The following NINL variants were observed in gnomAD, a reference collection of about 807,000 sequenced individuals.
The protein encoded by NINL is ninein like.
NINL carries 153 observed loss-of-function variants against 160.3 expected under a neutral mutation model. The ratio of observed to expected loss-of-function variants is 0.95; its 90% CI spans 0.84 to 1.09. The LOEUF (loss-of-function observed/expected upper bound fraction) is 1.09, where lower values mean the gene tolerates loss of function less well. Among genes scored for constraint, NINL ranks in the 50% least tolerant of loss-of-function variants. The probability of loss-of-function intolerance (pLI) is 0.00; values close to 1 mark genes in which losing one functional copy is unlikely to be tolerated. For missense variants in NINL, 1,829 were observed against 1,764.0 expected (o/e 1.04, Z -0.66); for synonymous variants, 800 against 734.8 (o/e 1.09, Z -1.43).
chr20:25,512,156 G>A (rs993495480), intron 4 of NINL, among the ~76,000 whole-genome samples: 1 of 152,206 alleles, frequency 6.6e-6, no homozygotes, highest in Non-Finnish European at 1.5e-5. Flanking sequence ...GAGCCTGGGG[G>A]ACAGGGAAGC....
At chr20:25,499,242 C>T (rs1220051069) in intron 8 of NINL, 14 of 985,068 alleles carry the variant, frequency 1.4e-5, no homozygotes, top group African/African-American at 8.7e-5. Flanking sequence ...CACAAGCACA[C>T]GCTCCCCACC....
chr20:25,499,586 G>A (rs960900996), intron 8 of NINL, among the ~76,000 whole-genome samples: 1 of 152,042 alleles, frequency 6.6e-6, no homozygotes, highest in Non-Finnish European at 1.5e-5. Context: ...TCCTGCCTCC[G>A]CCTCTGGCTC....
At chr20:25,582,409 G>A (rs1005305203) in intron 1 of NINL, among the ~76,000 whole-genome samples, 1 of 152,156 alleles carries the variant, frequency 6.6e-6, no homozygotes, top group African/African-American at 2.4e-5. Context: ...TTGGGAGGCT[G>A]AGGCAGGTGG....
chr20:25,489,365 G>A (rs2063572878), intron 12 of NINL, 41 bp from the exon 13 acceptor site: 1 of 1,571,982 alleles, frequency 6.4e-7, no homozygotes, highest in African/African-American at 1.3e-5. Context: ...TGGGCCTCGG[G>A]CCAGAGGGGG....
Position 25,540,076 on chromosome 20 carries a change from T to A in NINL, c.-11-13478A>T, listed in dbSNP as rs2064636611. 5 of 1,280,574 alleles carry A rather than the reference T, an allele frequency of 3.9e-6. No homozygotes were observed. The South Asian group carries it at 6.2e-5, about 16-fold the overall frequency. 79.3% of individuals were successfully genotyped at this position (1,280,574 alleles called of 1,614,324 possible). On this transcript the variant is annotated intron_variant, in intron 1 of 23. Coordinates refer to ENST00000278886, the MANE Select transcript of NINL (RefSeq NM_025176.6). ...TTCTTCATGCAAACTGAATTATTAATACTCCTTGGTATTCCACATCTGCAT... is the reference window on the plus strand; with the variant it reads ...TTCTTCATGCAAACTGAATTATTAAAACTCCTTGGTATTCCACATCTGCAT...
At chr20:25,548,174 G>A (rs139515746) in intron 1 of NINL, among the ~76,000 whole-genome samples, 1 of 152,186 alleles carries the variant, frequency 6.6e-6, no homozygotes. Flanking sequence ...GCTTGGTCGG[G>A]GGGGTTCTGC....
chr20:25,524,550 G>C (rs1214169029), intron 2 of NINL, among the ~76,000 whole-genome samples: 1 of 152,160 alleles, frequency 6.6e-6, no homozygotes, highest in Non-Finnish European at 1.5e-5. Flanking sequence ...ACACATATGA[G>C]AAGCCTCAGG....
chr20:25,488,197 C>T (rs1047763104), intron 13 of NINL, among the ~76,000 whole-genome samples: 1 of 152,160 alleles, frequency 6.6e-6, no homozygotes, highest in Non-Finnish European at 1.5e-5. Flanking sequence ...GTGTGGCACG[C>T]CGAGGTGTGA....
At chr20:25,545,166 G>A (rs2064716761) in intron 1 of NINL, among the ~76,000 whole-genome samples, 2 of 152,192 alleles carry the variant, frequency 1.3e-5, no homozygotes, top group Admixed American at 1.3e-4. Context: ...GGGTCAGGTA[G>A]GCAGTAAGGG....
intron 1 of NINL, among the ~76,000 whole-genome samples, chr20:25,550,040 G>C (rs1013031625): frequency 6.6e-6 from 1 of 152,188 alleles, no homozygotes; most frequent in Non-Finnish European, 1.5e-5. Context: ...GTATCAAAAG[G>C]AATTTGTCTC....
intron 8 of NINL, 135 bp from the exon 9 acceptor site, chr20:25,498,481 G>A (rs934759337): frequency 2.1e-5 from 25 of 1,173,772 alleles, no homozygotes; most frequent in Non-Finnish European, 3.0e-5. Flanking sequence ...TGTCTGCCAA[G>A]GTCTCTGCGT....
At chr20:25,499,267 C>A (rs562067731) in intron 8 of NINL, 13 of 980,410 alleles carry the variant, frequency 1.3e-5, no homozygotes, top group Admixed American at 6.2e-5. Flanking sequence ...CACTGGATGG[C>A]GTAGAGGGAC....
At position 25,491,451 on chromosome 20, in the gene NINL, C is replaced by T. The variant is rs747468895; in HGVS notation, c.1385G>A (p.Trp462Ter). The T allele has an allele frequency of 9.9e-6, 16 of 1,614,046 alleles. No homozygotes were observed. In the East Asian group the frequency reaches 3.6e-4, roughly 36 times the overall value. ...GGCCCTCTGCCTGTGGGCCTGCTCC[C>T]AGAACAGCTCTCGCTCCGCCTCCAC... ...SEVEAERELF[W>*]EQAHRQRAAL... The change falls in exon 11 of 24, where the codon TGG becomes TAG. Residue 462 changes from tryptophan (W) to a stop codon, truncating the protein, a stop_gained. Coordinates refer to ENST00000278886, the MANE Select transcript of NINL (RefSeq NM_025176.6). LOFTEE classifies it high-confidence loss of function.
At chr20:25,569,846 G>T (rs2065034987) in intron 1 of NINL, among the ~76,000 whole-genome samples, 1 of 152,164 alleles carries the variant, frequency 6.6e-6, no homozygotes, top group African/African-American at 2.4e-5. Context: ...GAACCACCCA[G>T]AGCTTTCTCA....
intron 1 of NINL, among the ~76,000 whole-genome samples, chr20:25,543,937 G>A (rs528183513): frequency 3.1e-5 from 4 of 127,960 alleles, no homozygotes; most frequent in South Asian, 2.2e-4. Flanking sequence ...GATTACAGGC[G>A]TGAGCCACCG....
In NINL at chr20:25,476,583, G is replaced by T; in HGVS notation, c.2708C>A (p.Ser903Ter). 6.3e-7 allele frequency: 1 copy of T among 1,599,100 alleles called. No individual in the cohort carries two copies. Among genetic ancestry groups the T allele is most frequent in the Non-Finnish European group, 8.5e-7 (1 of 1,179,630 alleles). The change falls in exon 17 of 24, where the codon TCA (serine) becomes TAA (stop). Residue 903 changes from serine (S) to a stop codon, truncating the protein, a stop_gained. Coordinates refer to ENST00000278886, the MANE Select transcript of NINL (RefSeq NM_025176.6). LOFTEE classifies it high-confidence loss of function. Reference protein sequence around the residue: ...PAPAPASHGPSERWSRMQPCG... With the variant: ...PAPAPASHGP ...GGGCTGCATGCGTGACCACCTCTCT[G>T]AGGGGCCGTGGGATGCCGGGGCAGG...
intron 21 of NINL, among the ~76,000 whole-genome samples, chr20:25,459,552 G>A (rs760035933): frequency 2.6e-5 from 4 of 152,138 alleles, no homozygotes; most frequent in Non-Finnish European, 4.4e-5. Context: ...GTCTCAAGAC[G>A]GTCACTCTGG....
At chr20:25,534,838 C>T (rs1458612619) in intron 1 of NINL, among the ~76,000 whole-genome samples, 1 of 152,184 alleles carries the variant, frequency 6.6e-6, no homozygotes, top group African/African-American at 2.4e-5. Flanking sequence ...CTCCTGTATA[C>T]TTTAAATCAC....
At chr20:25,486,878 T>C (rs1376031159) in intron 13 of NINL, among the ~76,000 whole-genome samples, 1 of 152,232 alleles carries the variant, frequency 6.6e-6, no homozygotes, top group African/African-American at 2.4e-5. Flanking sequence ...TCTCTGGCTA[T>C]AGGGCAGCCC....
Sources: gnomAD v4.1 joint callset for allele counts (sites outside exome capture counted in the v4.1 genomes callset) on GRCh38, gnomAD v4.1.1 for gene constraint, MANE v1.5 for transcripts, NCBI Gene and HGNC (gene_info 2026-07-23, HGNC 2026-07-21) for gene names.